The following COL4A6 variants were observed in gnomAD, a reference collection of about 807,000 sequenced individuals.
The protein encoded by COL4A6 is collagen alpha-6(IV) chain.
A neutral mutation model predicts 126.7 loss-of-function variants in COL4A6; 59 were observed. The observed-to-expected ratio is 0.47, with a 90% CI of 0.38 to 0.58. The LOEUF is 0.58. Among genes scored for constraint, COL4A6 ranks in the 20% least tolerant of loss-of-function variants. COL4A6 has a pLI of 0.00. For synonymous variants in COL4A6, 547 were observed against 496.6 expected (o/e 1.10, Z -1.35); for missense variants, 1,285 against 1,337.3 (o/e 0.96, Z 0.61).
intron 6 of COL4A6, among the ~76,000 whole-genome samples, chrX:108,213,048 C>A (rs1187748722): frequency 1.8e-5 from 2 of 111,427 alleles, no homozygotes; most frequent in Non-Finnish European, 3.8e-5. Context: ...CTCCCCACCC[C>A]CCGGCATATT....
At chrX:108,231,537 T>G (rs2036304345) in intron 3 of COL4A6, among the ~76,000 whole-genome samples, 1 of 112,325 alleles carries the variant, frequency 8.9e-6, no homozygotes, top group African/African-American at 3.2e-5. Context: ...AGGTGGGTAT[T>G]AATCTCATTT....
intron 3 of COL4A6, among the ~76,000 whole-genome samples, chrX:108,279,070 AG>A (rs1369780708): frequency 1.8e-5 from 2 of 112,177 alleles, no homozygotes; most frequent in Non-Finnish European, 3.8e-5. Context: ...GAGGCTAGGA[AG>A]AAACTGCATC....
chrX:108,206,933 G>A (rs41298506), intron 8 of COL4A6, among the ~76,000 whole-genome samples: 5,301 of 111,317 alleles, frequency 0.048, 150 homozygotes, highest in Middle Eastern at 0.1. Flanking sequence ...TCAGGATTGT[G>A]GTTGCCTTTG....
chrX:108,361,010 G>A (rs1370048869), intron 2 of COL4A6, among the ~76,000 whole-genome samples: 3 of 111,039 alleles, frequency 2.7e-5, no homozygotes, highest in Non-Finnish European at 5.7e-5. Context: ...TCTTAGAGGA[G>A]GCTGGAAGTC....
chrX:108,191,678 C>T (rs2035048861), intron 18 of COL4A6, 145 bp from the exon 19 acceptor site: 1 of 643,432 alleles, frequency 1.6e-6, no homozygotes, highest in South Asian at 4.9e-5. Context: ...TAGAAGGATC[C>T]TTAGGGATCA....
intron 2 of COL4A6, among the ~76,000 whole-genome samples, chrX:108,356,388 G>A (rs2039961642): frequency 9.0e-6 from 1 of 110,634 alleles, no homozygotes; most frequent in Admixed American, 9.6e-5. Flanking sequence ...ATATGGGAGG[G>A]GAGGTGTTCA....
At chrX:108,246,722 C>T (rs1490596439) in intron 3 of COL4A6, among the ~76,000 whole-genome samples, 2 of 110,623 alleles carry the variant, frequency 1.8e-5, no homozygotes, top group Non-Finnish European at 3.8e-5. Flanking sequence ...GCTTCAGTTG[C>T]TCCACAGAGA....
chrX:108,195,051 C>A, intron 15 of COL4A6, 31 bp downstream of exon 15: 1 of 1,158,122 alleles, frequency 8.6e-7, no homozygotes, highest in Non-Finnish European at 1.2e-6. Context: ...GATTTTATAC[C>A]CCAAGGCTTT....
In COL4A6 at chrX:108,178,610, GC is replaced by G. The variant is rs1160299116; in HGVS notation, c.2515+73del. On this transcript the variant is annotated intron_variant, in intron 27 of 44. Coordinates refer to ENST00000334504, the MANE Select transcript of COL4A6 (RefSeq NM_033641.4). ...CTGACCATGTCCCACTACTGCTATT[GC>G]CCCCCCAGGGCATCTGGGCCCAGGG... 10 of 1,042,572 alleles carry G rather than the reference GC, an allele frequency of 9.6e-6. No homozygotes were observed. The Admixed American group carries it at 1.6e-4, about 16-fold the overall frequency. 85.9% of individuals were successfully genotyped at this position (1,042,572 alleles called of 1,213,427 possible).
intron 3 of COL4A6, among the ~76,000 whole-genome samples, chrX:108,269,557 A>T (rs1207179814): frequency 2.7e-5 from 3 of 111,654 alleles, no homozygotes; most frequent in African/African-American, 9.7e-5. Flanking sequence ...TTCAAGGGCC[A>T]TTGAAGGAAC....
intron 2 of COL4A6, among the ~76,000 whole-genome samples, chrX:108,377,917 G>T (rs1227314589): frequency 1.1e-5 from 1 of 92,078 alleles, no homozygotes; most frequent in African/African-American, 4.4e-5. Context: ...ACTCCAGCCT[G>T]GGCGACAGAG....
chrX:108,384,319 T>A (rs1297169684), intron 2 of COL4A6, among the ~76,000 whole-genome samples: 1 of 111,986 alleles, frequency 8.9e-6, no homozygotes, highest in African/African-American at 3.2e-5. Context: ...CATCCATCCA[T>A]CTGATTTACT....
At chrX:108,391,783 G>A (rs1354266602) in intron 2 of COL4A6, among the ~76,000 whole-genome samples, 5 of 112,526 alleles carry the variant, frequency 4.4e-5, no homozygotes, top group Non-Finnish European at 1.9e-5. Context: ...GACCCCTTGT[G>A]CTTCCTGTGT....
At chrX:108,291,975 C>T (rs6524005) in intron 3 of COL4A6, among the ~76,000 whole-genome samples, 29,254 of 110,783 alleles carry the variant, frequency 0.26, 3,193 homozygotes, top group East Asian at 0.62. Flanking sequence ...GCAGAGGCCT[C>T]TTTTTAATCA....
chrX:108,286,620 GTGGTGC>G (rs764797882), intron 3 of COL4A6, among the ~76,000 whole-genome samples: 1 of 111,678 alleles, frequency 9.0e-6, no homozygotes, highest in Non-Finnish European at 1.9e-5. Context: ...CACTCAGGCT[GTGGTGC>G]AGTGACACAA....
chrX:108,358,946 AG>A lies in COL4A6; in HGVS notation c.64-48119del, dbSNP rs1358310434. Among the ~76,000 whole-genome samples, 23 of 111,476 alleles carry A rather than the reference AG, an allele frequency of 2.1e-4. No individual in the cohort carries two copies. In the East Asian group the frequency reaches 6.5e-3, roughly 31 times the overall value. ...TGCTTCTGGAGCAGGCATGAGGGAG[AG>A]GGAGTACATCGAAAAGAGCTTCAGA... On this transcript the variant is annotated intron_variant, in intron 2 of 44. Transcript: ENST00000334504.
At chrX:108,235,020 G>A (rs2036400337) in intron 3 of COL4A6, among the ~76,000 whole-genome samples, 2 of 111,361 alleles carry the variant, frequency 1.8e-5, no homozygotes, top group African/African-American at 3.3e-5. Context: ...AGCACTGAGA[G>A]CTCCCCCGAC....
chrX:108,206,355 G>C (rs773579424), intron 9 of COL4A6, 163 bp downstream of exon 9: 1 of 575,471 alleles, frequency 1.7e-6, no homozygotes, highest in Non-Finnish European at 3.1e-6. Flanking sequence ...AACTCCAATA[G>C]CTCCTCGCAA....
chrX:108,219,671 G>A, intron 5 of COL4A6, 27 bp downstream of exon 5: 4 of 1,193,580 alleles, frequency 3.4e-6, no homozygotes, highest in Non-Finnish European at 4.5e-6. Context: ...AGGAGGATAT[G>A]AAAAATTCAT....
Sources: allele counts gnomAD v4.1 joint callset (sites outside exome capture counted in the v4.1 genomes callset), GRCh38; gene constraint gnomAD v4.1.1; transcripts MANE v1.5; gene names NCBI Gene and HGNC (gene_info 2026-07-23, HGNC 2026-07-21).